The following AHCYL2 variants were observed in gnomAD, a reference collection of about 807,000 sequenced individuals.
AHCYL2 encodes S-adenosylhomocysteine hydrolase-like protein 2.
AHCYL2 carries 28 observed loss-of-function variants against 81.4 expected under a neutral mutation model. The ratio of observed to expected loss-of-function variants is 0.34; its 90% CI spans 0.25 to 0.47. AHCYL2 has a LOEUF of 0.47. Among genes scored for constraint, AHCYL2 ranks in the 20% least tolerant of loss-of-function variants. The probability of loss-of-function intolerance (pLI) is 1.00; values close to 1 mark genes in which losing one functional copy is unlikely to be tolerated. For missense variants in AHCYL2, 551 were observed against 785.1 expected (o/e 0.70, Z 3.56); for synonymous variants, 272 against 290.2 (o/e 0.94, Z 0.64).
intron 1 of AHCYL2, among the ~76,000 whole-genome samples, chr7:129,252,368 G>A (rs1237718538): frequency 4.6e-5 from 7 of 152,142 alleles, no homozygotes; most frequent in Non-Finnish European, 8.8e-5. Context: ...AAGCAACACT[G>A]GTTTTATTTA....
At chr7:129,298,421 C>A (rs568544177) in intron 1 of AHCYL2, among the ~76,000 whole-genome samples, 1 of 152,132 alleles carries the variant, frequency 6.6e-6, no homozygotes, top group Non-Finnish European at 1.5e-5. Flanking sequence ...TCAAATTTTG[C>A]TTCTCTGCTT....
At chr7:129,250,933 T>C (rs572980651) in intron 1 of AHCYL2, among the ~76,000 whole-genome samples, 1 of 152,356 alleles carries the variant, frequency 6.6e-6, no homozygotes, top group African/African-American at 2.4e-5. Flanking sequence ...TGCTTGTCCA[T>C]ATTAAAGTCT....
intron 1 of AHCYL2, among the ~76,000 whole-genome samples, chr7:129,275,526 A>G (rs950672080): frequency 2.6e-5 from 4 of 152,244 alleles, no homozygotes; most frequent in Admixed American, 6.5e-5. Context: ...GGAAATAAAG[A>G]TATGGAAAAA....
chr7:129,316,508 TAAGGCCAAAATG>T (rs1797828226), intron 1 of AHCYL2, among the ~76,000 whole-genome samples: 1 of 152,206 alleles, frequency 6.6e-6, no homozygotes, highest in Non-Finnish European at 1.5e-5. Flanking sequence ...TATGAAGCTG[TAAGGCCAAAATG>T]AAGGATTTGA....
rs142734297 is a variant in AHCYL2 at position 129,327,843 on chromosome 7, T to C, written c.364-51795T>C. ...GAGTCTTACTCTGTCACCCAGGCTG[T>C]AGTGCAGTGATGTGATCATTACTCA... On this transcript the variant is annotated intron_variant, in intron 1 of 16. Transcript: ENST00000325006. Among the ~76,000 whole-genome samples the C allele has an allele frequency of 5.5e-3, 840 of 151,940 alleles. 10 individuals are homozygous for C. The highest frequency in any genetic ancestry group is 0.02 in the African/African-American group (810 of 41,438).
intron 1 of AHCYL2, among the ~76,000 whole-genome samples, chr7:129,275,296 G>A (rs558040770): frequency 2.0e-5 from 3 of 152,170 alleles, no homozygotes; most frequent in Non-Finnish European, 4.4e-5. Context: ...CAGCCACTCA[G>A]GAGGCTGAGG....
chr7:129,239,358 C>T (rs1002948849), intron 1 of AHCYL2, among the ~76,000 whole-genome samples: 1 of 151,966 alleles, frequency 6.6e-6, no homozygotes, highest in African/African-American at 2.4e-5. Context: ...GTCAGAACCT[C>T]AATTTTGTAT....
intron 1 of AHCYL2, among the ~76,000 whole-genome samples, chr7:129,268,283 A>G (rs1795886522): frequency 6.6e-6 from 1 of 152,184 alleles, no homozygotes; most frequent in African/African-American, 2.4e-5. Context: ...TGGAAAGATC[A>G]AGGTATGAAA....
intron 1 of AHCYL2, among the ~76,000 whole-genome samples, chr7:129,234,968 A>G (rs1794590086): frequency 1.3e-5 from 2 of 152,198 alleles, no homozygotes; most frequent in South Asian, 4.1e-4. Flanking sequence ...CATGCTTCTT[A>G]AAGGAGTTTT....
chr7:129,290,344 T>C (rs1796794767), intron 1 of AHCYL2, among the ~76,000 whole-genome samples: 1 of 150,806 alleles, frequency 6.6e-6, no homozygotes, highest in Non-Finnish European at 1.5e-5. Context: ...CTACTAAAAA[T>C]ACAAAAATTA....
chr7:129,317,355 C>T (rs184855113), intron 1 of AHCYL2, among the ~76,000 whole-genome samples: 10 of 151,362 alleles, frequency 6.6e-5, no homozygotes, highest in Non-Finnish European at 1.0e-4. Flanking sequence ...AGTGTGGATC[C>T]TCCAAGACAG....
At chr7:129,339,401 A>G (rs1793078615) in intron 1 of AHCYL2, among the ~76,000 whole-genome samples, 3 of 152,234 alleles carry the variant, frequency 2.0e-5, no homozygotes, top group Admixed American at 2.0e-4. Flanking sequence ...TGAAAAGTAT[A>G]TACAAAGATA....
chr7:129,269,353 T>G (rs1795923916), intron 1 of AHCYL2, among the ~76,000 whole-genome samples: 1 of 152,062 alleles, frequency 6.6e-6, no homozygotes, highest in Non-Finnish European at 1.5e-5. Context: ...TGGCACAATT[T>G]CAGCTCACTG....
chr7:129,242,883 T>A (rs1171137069), intron 1 of AHCYL2, among the ~76,000 whole-genome samples: 3 of 152,206 alleles, frequency 2.0e-5, no homozygotes. Context: ...GTTGTTTTAA[T>A]TTGCATTTCC....
rs1456990966 is a variant in AHCYL2, at chr7:129,368,501, A to G, written c.364-11137A>G. 1.2e-6 allele frequency: 2 copies of G among 1,613,802 alleles called. No homozygotes were observed. Among genetic ancestry groups the G allele is most frequent in the African/African-American group, 1.3e-5 (1 of 74,868 alleles). On this transcript the variant is annotated intron_variant, in intron 1 of 16. Coordinates refer to ENST00000325006, the MANE Select transcript of AHCYL2 (RefSeq NM_015328.4). The surrounding 1 kb of genome is among the most constrained non-coding windows in gnomAD (Gnocchi z 4.4). The stretch of plus-strand genomic sequence containing the variant: ...TCTTACCCAAGCCTGCACTATGGAG[A>G]AGTGGGACGGTAATGAGGGCACCTC...
chr7:129,283,260 C>A (rs1368629104), intron 1 of AHCYL2: 1 of 424,410 alleles, frequency 2.4e-6, no homozygotes, highest in Non-Finnish European at 4.7e-6. Flanking sequence ...TTAAACTGCA[C>A]CTTGGAAATA....
chr7:129,415,748 C>T (rs532386224), intron 12 of AHCYL2, among the ~76,000 whole-genome samples: 38 of 151,852 alleles, frequency 2.5e-4, no homozygotes, highest in Non-Finnish European at 5.3e-4. Flanking sequence ...CCCAGGAGTT[C>T]GAGACCAGTC....
At chr7:129,340,268 A>T (rs1303710246) in intron 1 of AHCYL2, among the ~76,000 whole-genome samples, 1 of 148,420 alleles carries the variant, frequency 6.7e-6, no homozygotes, top group African/African-American at 2.5e-5. Context: ...CTGCCAGTTT[A>T]AAAAAAATAG....
chr7:129,308,261 C>T (rs1797515897), intron 1 of AHCYL2, among the ~76,000 whole-genome samples: 1 of 152,152 alleles, frequency 6.6e-6, no homozygotes, highest in Admixed American at 6.5e-5. Context: ...ATGGAAGTTA[C>T]AGATATGACT....
Sources: gnomAD v4.1 joint callset for allele counts (sites outside exome capture counted in the v4.1 genomes callset) on GRCh38, gnomAD v4.1.1 for gene constraint, Gnocchi (gnomAD v3.1) non-coding constraint, MANE v1.5 for transcripts, NCBI Gene and HGNC (gene_info 2026-07-23, HGNC 2026-07-21) for gene names.